The following CELF2 variants were observed in gnomAD, a reference collection of about 807,000 sequenced individuals.
CELF2 encodes CUGBP Elav-like family member 2.
In CELF2, 8 loss-of-function variants were observed where a neutral mutation model predicts 62.6. That is an observed-to-expected ratio of 0.13 (90% confidence interval 0.07 to 0.23). The LOEUF is 0.23. Among genes scored for constraint, CELF2 ranks in the 10% least tolerant of loss-of-function variants. The pLI is 1.00. For missense variants in CELF2, 333 were observed against 671.0 expected, an observed-to-expected ratio of 0.50 and a Z score of 5.56; for synonymous variants, 258 against 250.0, an observed-to-expected ratio of 1.03 and a Z score of -0.30.
At chr10:11,020,539 G>A (rs1193035475) in intron 1 of CELF2, among the ~76,000 whole-genome samples, 1 of 152,104 alleles carries the variant, frequency 6.6e-6, no homozygotes, top group African/African-American at 2.4e-5. Flanking sequence ...ATTGTTTTAG[G>A]GACTGGTTGT....
chr10:11,085,833 A>G (rs1291805), intron 1 of CELF2, among the ~76,000 whole-genome samples: 66,762 of 151,794 alleles, frequency 0.44, 15,391 homozygotes, highest in African/African-American at 0.52. Context: ...CTGGGTCACC[A>G]CTCCATTTCC....
chr10:11,326,621 G>C (rs967113583), intron 12 of CELF2, among the ~76,000 whole-genome samples: 1 of 152,126 alleles, frequency 6.6e-6, no homozygotes, highest in Non-Finnish European at 1.5e-5. Flanking sequence ...GGGAGGAAGG[G>C]ATGCTCACAG....
rs1248579781 is a variant in CELF2, at chr10:11,319,972, T to C, written c.1097-1217T>C. 2.4e-6 allele frequency: 1 copy of C among 423,070 alleles called. No homozygotes were observed. The highest frequency in any genetic ancestry group is 4.9e-6 in the Non-Finnish European group (1 of 204,910). The allele number at this position is 423,070 out of a possible 1,614,324, so 26.2% of individuals were successfully genotyped here. ...TACCTTAGCTGTCCTCCATTCTCAT[T>C]AGACTTCTTACCTATTTTTTCAGTT... On this transcript the variant is annotated intron_variant, in intron 10 of 12. Coordinates refer to ENST00000633077, the MANE Select transcript of CELF2 (RefSeq NM_001326342.2). This position sits in a 1 kb window ranked among gnomAD's most constrained non-coding sequence, Gnocchi z 4.4.
rs1427704892 is a variant in CELF2, at chr10:11,218,786, CA to C, written c.354+1280del. On this transcript the variant is annotated intron_variant, in intron 3 of 12. Transcript: ENST00000633077. ...CTGTTTTTATTGAGTCTAAGTGCTT[CA>C]CTCAGTGACTTTAAAAAAATTGTAT... is the stretch of plus-strand genomic sequence containing the variant. 4.6e-5 allele frequency among the ~76,000 whole-genome samples: 7 copies of C among 152,292 alleles called. No homozygotes were observed. In the East Asian group the frequency reaches 1.2e-3, roughly 25 times the overall value.
upstream of CELF2, among the ~76,000 whole-genome samples, chr10:10,797,411 T>C (rs533939509): frequency 2.0e-5 from 3 of 152,048 alleles, no homozygotes; most frequent in East Asian, 5.8e-4. Context: ...AAAAAAGACC[T>C]AAATCAGAGC....
intron 1 of CELF2, among the ~76,000 whole-genome samples, chr10:11,086,574 T>C (rs2046791842): frequency 1.2e-5 from 1 of 84,108 alleles, no homozygotes; most frequent in Admixed American, 1.6e-4. Flanking sequence ...CCATTTGCAT[T>C]TGTTAAAAAA....
chr10:11,208,433 A>G (rs549170689), intron 2 of CELF2, among the ~76,000 whole-genome samples: 2 of 152,306 alleles, frequency 1.3e-5, no homozygotes, highest in Non-Finnish European at 2.9e-5. Context: ...TAGGTTCCAC[A>G]AAGTATGGTC....
chr10:10,920,483 G>C (rs1220606078), intron 2 of CELF2, among the ~76,000 whole-genome samples: 1 of 152,120 alleles, frequency 6.6e-6, no homozygotes, highest in Non-Finnish European at 1.5e-5. Flanking sequence ...AATTCTCACT[G>C]TCATCAAAAT....
intron 2 of CELF2, among the ~76,000 whole-genome samples, chr10:11,199,629 C>G (rs996736598): frequency 6.6e-6 from 1 of 152,182 alleles, no homozygotes; most frequent in Non-Finnish European, 1.5e-5. Flanking sequence ...CAGTTAAGAG[C>G]AGGCCCTCCA....
chr10:10,553,045 TA>T, the CELF2 span, among the ~76,000 whole-genome samples: 5 of 152,252 alleles, frequency 3.3e-5, 1 homozygote, highest in East Asian at 5.8e-4. Flanking sequence ...ATGCTGCTAA[TA>T]AAGACATACC....
chr10:11,180,048 G>T (rs961828047), intron 2 of CELF2, among the ~76,000 whole-genome samples: 5 of 152,164 alleles, frequency 3.3e-5, no homozygotes, highest in African/African-American at 4.8e-5. Flanking sequence ...CTGTTAGCCT[G>T]TTGGTGCTCC....
At chr10:11,275,628 G>A (rs1295549758) in intron 8 of CELF2, among the ~76,000 whole-genome samples, 3 of 152,182 alleles carry the variant, frequency 2.0e-5, no homozygotes, top group Admixed American at 6.5e-5. Flanking sequence ...CCTTTTTACC[G>A]TAGTGCCCCA....
Position 11,178,525 on chromosome 10 carries a change from CT to C in CELF2, c.271+12846del, listed in dbSNP as rs1430318694. Among the ~76,000 whole-genome samples the C allele has an allele frequency of 2.0e-5, 3 of 152,366 alleles. No individual in the cohort carries two copies. The highest frequency in any genetic ancestry group is 1.3e-4 in the Admixed American group (2 of 15,306). ...CACTTTTGTAATCGTATATTTTAGG[CT>C]TTCCTCTCTACCTAATTGTGCTCTA... On this transcript the variant is annotated intron_variant, in intron 2 of 12. Transcript: ENST00000633077. This position sits in a 1 kb window ranked among gnomAD's most constrained non-coding sequence, Gnocchi z 4.3.
At chr10:11,130,899 C>T (rs754465930) in intron 1 of CELF2, among the ~76,000 whole-genome samples, 2 of 152,134 alleles carry the variant, frequency 1.3e-5, no homozygotes, top group Non-Finnish European at 2.9e-5. Context: ...AAAGCCAGTC[C>T]CTCCAAAGTT....
chr10:10,500,186 A>T, the CELF2 span, among the ~76,000 whole-genome samples: 187 of 152,332 alleles, frequency 1.2e-3, no homozygotes, highest in African/African-American at 4.1e-3. Context: ...TTGGAGAATT[A>T]TTACTTACAG....
At chr10:10,513,288 C>CT in the CELF2 span, among the ~76,000 whole-genome samples, 3 of 152,146 alleles carry the variant, frequency 2.0e-5, no homozygotes, top group Non-Finnish European at 4.4e-5. Context: ...AGGGTGGCAG[C>CT]TGTCACAACC....
At chr10:10,514,953 A>T in the CELF2 span, among the ~76,000 whole-genome samples, 74,608 of 152,122 alleles carry the variant, frequency 0.49, 19,330 homozygotes, top group African/African-American at 0.65. Flanking sequence ...AACCTCTGGA[A>T]GCCTTGCAAA....
chr10:10,615,824 T>A, the CELF2 span, among the ~76,000 whole-genome samples: 2 of 152,120 alleles, frequency 1.3e-5, no homozygotes, highest in East Asian at 1.9e-4. Flanking sequence ...ATAAGCCCAA[T>A]TAAACCTCTT....
chr10:10,577,250 A>G, the CELF2 span, among the ~76,000 whole-genome samples: 1 of 152,152 alleles, frequency 6.6e-6, no homozygotes, highest in Admixed American at 6.6e-5. Context: ...GTTCCTTAGT[A>G]GGGAGGAATC....
Sources: gnomAD v4.1 joint callset for allele counts (sites outside exome capture counted in the v4.1 genomes callset) on GRCh38, gnomAD v4.1.1 for gene constraint, Gnocchi (gnomAD v3.1) non-coding constraint, MANE v1.5 for transcripts, NCBI Gene and HGNC (gene_info 2026-07-23, HGNC 2026-07-21) for gene names.